RHOBTB3: variants seen among roughly 807,000 people sequenced by gnomAD.
The protein encoded by RHOBTB3 is Rho related BTB domain containing 3, also known as rho-related BTB domain-containing protein 3.
RHOBTB3 carries 47 observed loss-of-function variants against 67.2 expected under a neutral mutation model. That is an observed-to-expected ratio of 0.70 (90% CI 0.55 to 0.89). The LOEUF is 0.89. Ranked by LOEUF, RHOBTB3 falls within the 40% of genes least tolerant of loss-of-function variation. The pLI is 0.00. For synonymous variants in RHOBTB3, 273 were observed against 274.2 expected (o/e 1.00, Z 0.04); for missense variants, 631 against 750.0 (o/e 0.84, Z 1.85).
chr5:95,726,873 C>G (rs1755069720), upstream of RHOBTB3, among the ~76,000 whole-genome samples: 2 of 152,246 alleles, frequency 1.3e-5, no homozygotes, highest in South Asian at 4.1e-4. Flanking sequence ...ATGCCCCCAA[C>G]ACTCCTTGTA....
intron 1 of RHOBTB3, among the ~76,000 whole-genome samples, chr5:95,722,793 T>C (rs1311638373): frequency 2.0e-5 from 3 of 152,220 alleles, no homozygotes; most frequent in Admixed American, 1.3e-4. Flanking sequence ...TAAAAGAGTC[T>C]TATCGCTTTT....
chr5:95,792,541 C>A (rs1260678760), intron 11 of RHOBTB3, among the ~76,000 whole-genome samples: 6 of 151,832 alleles, frequency 4.0e-5, no homozygotes, highest in African/African-American at 1.5e-4. Context: ...GCCTGTAATC[C>A]TAGCACTTTG....
intron 3 of RHOBTB3, among the ~76,000 whole-genome samples, chr5:95,744,307 A>G (rs1274298712): frequency 6.6e-6 from 1 of 151,948 alleles, no homozygotes; most frequent in Non-Finnish European, 1.5e-5. Context: ...AAATCATTAC[A>G]CTTTCTGTGA....
In RHOBTB3 at chr5:95,793,249, C is replaced by T; in HGVS notation, c.*75C>T. On this transcript the variant is annotated 3_prime_UTR_variant, in exon 12 of 12. Coordinates refer to ENST00000379982, the MANE Select transcript of RHOBTB3 (RefSeq NM_014899.4). The stretch of plus-strand genomic sequence containing the variant: ...GATACCTCCAGGTTCCAGTAAAATT[C>T]TTCTGACCGAAACCAATGTGGGTGT... The T allele has an allele frequency of 1.0e-6, 1 of 962,626 alleles. No homozygotes were observed. Among genetic ancestry groups the T allele is most frequent in the South Asian group, 1.6e-5 (1 of 61,514 alleles). The allele number at this position is 962,626 out of a possible 1,614,324, so 59.6% of individuals were successfully genotyped here.
chr5:95,732,157 T>G, intron 2 of RHOBTB3, 73 bp downstream of exon 2: 1 of 1,374,078 alleles, frequency 7.3e-7, no homozygotes, highest in South Asian at 1.2e-5. Flanking sequence ...CTCCCCCTTC[T>G]GCCCACTTCC....
chr5:95,779,215 G>A (rs1402756050), intron 8 of RHOBTB3, among the ~76,000 whole-genome samples: 1 of 152,212 alleles, frequency 6.6e-6, no homozygotes, highest in Non-Finnish European at 1.5e-5. Context: ...GGTTTGGTTG[G>A]AGAGTTACTT....
At chr5:95,729,106 TA>T (rs1397115772), upstream of RHOBTB3, among the ~76,000 whole-genome samples, 2 of 152,228 alleles carry the variant, frequency 1.3e-5, no homozygotes, top group African/African-American at 4.8e-5. Flanking sequence ...GAAATAACTA[TA>T]AGTATACTCA....
upstream of RHOBTB3, among the ~76,000 whole-genome samples, chr5:95,727,811 A>G (rs994401800): frequency 1.3e-5 from 2 of 152,240 alleles, no homozygotes; most frequent in Non-Finnish European, 2.9e-5. Flanking sequence ...CAAGATAAAT[A>G]ACACTAACTG....
At chr5:95,738,228 G>A (rs937023283) in intron 3 of RHOBTB3, among the ~76,000 whole-genome samples, 2 of 152,226 alleles carry the variant, frequency 1.3e-5, no homozygotes, top group East Asian at 1.9e-4. Flanking sequence ...TGACCTACCC[G>A]TGACCCCATA....
upstream of RHOBTB3, chr5:95,731,139 G>C (rs550000580): frequency 9.8e-7 from 1 of 1,017,290 alleles, no homozygotes; most frequent in Middle Eastern, 5.0e-4. Flanking sequence ...TATATTCCGC[G>C]GCGCCCCGCG....
At chr5:95,769,284 T>C in intron 8 of RHOBTB3, 1 of 436,142 alleles carries the variant, frequency 2.3e-6, no homozygotes, top group Non-Finnish European at 4.5e-6. Context: ...CTAAGCTTGT[T>C]GCCAGTAACA....
upstream of RHOBTB3, among the ~76,000 whole-genome samples, chr5:95,729,419 G>A (rs1755154276): frequency 6.6e-6 from 1 of 152,076 alleles, no homozygotes; most frequent in South Asian, 2.1e-4. Flanking sequence ...ACACTTCCAA[G>A]TTGTCAGCAA....
At chr5:95,761,570 G>A (rs369381702) in intron 6 of RHOBTB3, among the ~76,000 whole-genome samples, 1 of 151,956 alleles carries the variant, frequency 6.6e-6, no homozygotes, top group South Asian at 2.1e-4. Context: ...CTCGAACTCA[G>A]TGGTTGAAAT....
Position 95,731,651 on chromosome 5 carries a change from C to G in RHOBTB3, c.-32C>G, listed in dbSNP as rs1561436754. The G allele has an allele frequency of 6.2e-7, 1 of 1,612,838 alleles. No individual in the cohort carries two copies. The highest frequency in any genetic ancestry group is 1.7e-5 in the Admixed American group (1 of 59,936). On this transcript the variant is annotated 5_prime_UTR_variant, in exon 1 of 12. Coordinates refer to ENST00000379982, the MANE Select transcript of RHOBTB3 (RefSeq NM_014899.4). Reference sequence around the variant, plus strand: ...GAAGCCGTGAGCCGCTGCTTTTCTCCGAGTCGCCGCCCTGCCCTTGGATTT... The same window carrying G: ...GAAGCCGTGAGCCGCTGCTTTTCTCGGAGTCGCCGCCCTGCCCTTGGATTT...
intron 1 of RHOBTB3, among the ~76,000 whole-genome samples, chr5:95,725,150 G>A (rs1040401515): frequency 1.3e-5 from 2 of 152,202 alleles, no homozygotes; most frequent in African/African-American, 4.8e-5. Flanking sequence ...AATAGCCCAC[G>A]AGTGTATCTA....
chr5:95,721,693 T>TA (rs58596325), intron 1 of RHOBTB3, among the ~76,000 whole-genome samples: 55,233 of 131,906 alleles, frequency 0.42, 11,997 homozygotes, highest in East Asian at 0.88. Context: ...CTGAGAGCAT[T>TA]AAAAAAAAAA....
intron 1 of RHOBTB3, chr5:95,719,896 T>C (rs1754814856): frequency 6.6e-6 from 1 of 152,188 alleles, no homozygotes; most frequent in South Asian, 2.1e-4. Context: ...AATAAAAGTG[T>C]TTATAGACAC....
At chr5:95,740,868 C>CA (rs1755575597) in intron 3 of RHOBTB3, among the ~76,000 whole-genome samples, 2 of 151,872 alleles carry the variant, frequency 1.3e-5, no homozygotes, top group Non-Finnish European at 2.9e-5. Context: ...CACACACACA[C>CA]TTTTTTTTGG....
At chr5:95,744,256 G>A (rs1310501649) in intron 3 of RHOBTB3, among the ~76,000 whole-genome samples, 6 of 152,068 alleles carry the variant, frequency 3.9e-5, no homozygotes, top group Non-Finnish European at 5.9e-5. Context: ...CCTCTACACA[G>A]CCCCTATCAT....
Sources: gnomAD v4.1 joint callset for allele counts (sites outside exome capture counted in the v4.1 genomes callset) on GRCh38, gnomAD v4.1.1 for gene constraint, MANE v1.5 for transcripts, NCBI Gene and HGNC (gene_info 2026-07-23, HGNC 2026-07-21) for gene names.